The following ITPRID1 variants were observed in gnomAD, a reference collection of about 807,000 sequenced individuals.
ITPRID1 encodes protein ITPRID1.
A neutral mutation model predicts 95.4 loss-of-function variants in ITPRID1; 96 were observed. The ratio of observed to expected loss-of-function variants is 1.01; its 90% CI spans 0.85 to 1.19. ITPRID1 has a LOEUF of 1.19. ITPRID1 is among the 50% of genes most tolerant of loss of function. ITPRID1 has a pLI of 0.00. For missense variants in ITPRID1, 1,339 were observed against 1,252.9 expected (o/e 1.07, Z -1.04); for synonymous variants, 510 against 453.6 (o/e 1.12, Z -1.58).
intron 10 of ITPRID1, among the ~76,000 whole-genome samples, chr7:31,597,113 ACT>A (rs1786122106): frequency 6.6e-6 from 1 of 152,068 alleles, no homozygotes; most frequent in Admixed American, 6.5e-5. Flanking sequence ...ACAAACAAAA[ACT>A]CTCTGCAAGT....
intron 10 of ITPRID1, among the ~76,000 whole-genome samples, chr7:31,600,542 A>G (rs1339757463): frequency 1.3e-5 from 2 of 152,208 alleles, no homozygotes; most frequent in Admixed American, 6.5e-5. Flanking sequence ...GCTCCTACAG[A>G]AAAAGGTTAA....
At chr7:31,619,912 C>T (rs934096430) in intron 10 of ITPRID1, among the ~76,000 whole-genome samples, 80 of 152,170 alleles carry the variant, frequency 5.3e-4, no homozygotes, top group Non-Finnish European at 8.8e-4. Flanking sequence ...CCAAATACTG[C>T]GCTTTTCCGA....
chr7:31,562,449 A>G (rs1328331315), intron 5 of ITPRID1, among the ~76,000 whole-genome samples: 1 of 152,234 alleles, frequency 6.6e-6, no homozygotes, highest in African/African-American at 2.4e-5. Context: ...GAGGTCTCAG[A>G]AGAATAAACT....
In ITPRID1 at chr7:31,574,542, T is replaced by A. The variant is rs757724002; in HGVS notation, c.398T>A (p.Ile133Asn). 6.2e-7 allele frequency: 1 copy of A among 1,613,012 alleles called. No individual in the cohort carries two copies. Among genetic ancestry groups the A allele is most frequent in the South Asian group, 1.1e-5 (1 of 91,078 alleles). Residue 133 changes from isoleucine (I) to asparagine (N), a missense_variant and splice_region_variant, in exon 8 of 15, where the codon ATT becomes AAT. Transcript: ENST00000615280. ...GATATTCATATTTTTTACCACAGCA[T>A]TCCTGAATGGCTGGAATTTTGGGAG... The part of the protein sequence containing the change: ...CYSTASVPQS[I>N]PEWLEFWEID...
chr7:31,516,441 ACTGT>A (rs1334222832), intron 1 of ITPRID1, among the ~76,000 whole-genome samples: 4 of 152,202 alleles, frequency 2.6e-5, no homozygotes, highest in Admixed American at 2.6e-4. Flanking sequence ...TATGACTCTT[ACTGT>A]CTAATTTAAA....
chr7:31,636,038 AG>A (rs754656733), intron 10 of ITPRID1, among the ~76,000 whole-genome samples: 1 of 152,192 alleles, frequency 6.6e-6, no homozygotes, highest in Non-Finnish European at 1.5e-5. Context: ...ACTTTTTCAC[AG>A]GGCAGCAGGA....
chr7:31,554,226 C>T (rs1460493476), intron 3 of ITPRID1, among the ~76,000 whole-genome samples: 9 of 152,222 alleles, frequency 5.9e-5, no homozygotes, highest in East Asian at 1.9e-4. Flanking sequence ...TATTTTTCTT[C>T]TCTCTCACAT....
At chr7:31,589,405 G>A (rs917907035) in intron 10 of ITPRID1, among the ~76,000 whole-genome samples, 3 of 152,150 alleles carry the variant, frequency 2.0e-5, no homozygotes, top group East Asian at 1.9e-4. Flanking sequence ...AAAACTGTGC[G>A]AGAAAAAAAT....
chr7:31,524,460 C>T (rs1783362767), intron 1 of ITPRID1, among the ~76,000 whole-genome samples: 1 of 152,190 alleles, frequency 6.6e-6, no homozygotes, highest in African/African-American at 2.4e-5. Flanking sequence ...CATTTTGAGT[C>T]ATGATTAGTG....
At chr7:31,597,086 A>AAAAAC (rs1318489514) in intron 10 of ITPRID1, among the ~76,000 whole-genome samples, 1 of 152,016 alleles carries the variant, frequency 6.6e-6, no homozygotes, top group African/African-American at 2.4e-5. Flanking sequence ...TTCATAATTT[A>AAAAAC]AAAACAAAAC....
intron 10 of ITPRID1, among the ~76,000 whole-genome samples, chr7:31,634,303 TTAA>T (rs755685416): frequency 5.3e-5 from 8 of 152,218 alleles, no homozygotes; most frequent in African/African-American, 7.2e-5. Flanking sequence ...ATGATTATTA[TTAA>T]TGATACGAAG....
intron 12 of ITPRID1, among the ~76,000 whole-genome samples, chr7:31,646,813 G>A (rs778543616): frequency 1.3e-5 from 2 of 152,274 alleles, no homozygotes; most frequent in East Asian, 1.9e-4. Context: ...GCCACCATCC[G>A]AAAGCTTCTA....
At chr7:31,651,849 A>C in intron 13 of ITPRID1, 90 bp from the exon 14 acceptor site, 1 of 842,568 alleles carries the variant, frequency 1.2e-6, no homozygotes, top group Non-Finnish European at 1.9e-6. Flanking sequence ...AAGAAATTGC[A>C]AAGGAAGAAC....
At chr7:31,639,091 C>T (rs931413342) in intron 10 of ITPRID1, among the ~76,000 whole-genome samples, 1 of 152,072 alleles carries the variant, frequency 6.6e-6, no homozygotes, top group Non-Finnish European at 1.5e-5. Flanking sequence ...ATTTGATTTT[C>T]ATGTGCCTTG....
chr7:31,642,951 C>T lies in ITPRID1; in HGVS notation c.1581C>T (p.Thr527=). Residue 527 remains threonine (T), a synonymous_variant, in exon 12 of 15, where the codon ACC becomes ACT. Coordinates refer to ENST00000615280, the MANE Select transcript of ITPRID1 (RefSeq NM_001257967.3). ...LYIPDMACAK[T]TTRGECPRKD... ...TCCCAGACATGGCCTGTGCCAAGAC[C>T]ACCACGAGGGGAGAATGCCCAAGGA... The T allele has an allele frequency of 6.2e-7, 1 of 1,614,050 alleles. No individual in the cohort carries two copies. Among genetic ancestry groups the T allele is most frequent in the East Asian group, 2.2e-5 (1 of 44,876 alleles).
At chr7:31,621,994 A>G (rs1787953661) in intron 10 of ITPRID1, among the ~76,000 whole-genome samples, 1 of 144,462 alleles carries the variant, frequency 6.9e-6, no homozygotes, top group East Asian at 2.0e-4. Context: ...AACAAAGATC[A>G]AAAGAGACAA....
At chr7:31,565,379 G>C (rs1423046183) in intron 5 of ITPRID1, among the ~76,000 whole-genome samples, 3 of 152,194 alleles carry the variant, frequency 2.0e-5, no homozygotes, top group East Asian at 1.9e-4. Flanking sequence ...AGCAGAGAAG[G>C]CTGTATGTCT....
At chr7:31,554,271 C>A in intron 3 of ITPRID1, 1 of 830,264 alleles carries the variant, frequency 1.2e-6, no homozygotes, top group Non-Finnish European at 1.7e-6. Context: ...AGTCTTTTGA[C>A]AAGTTTACAC....
At chr7:31,600,793 CAA>C (rs1786361911) in intron 10 of ITPRID1, among the ~76,000 whole-genome samples, 1 of 152,112 alleles carries the variant, frequency 6.6e-6, no homozygotes, top group Non-Finnish European at 1.5e-5. Flanking sequence ...TTTTGTCTCT[CAA>C]CATGCATGCC....
Sources: gnomAD v4.1 joint callset for allele counts (sites outside exome capture counted in the v4.1 genomes callset) on GRCh38, gnomAD v4.1.1 for gene constraint, MANE v1.5 for transcripts, NCBI Gene and HGNC (gene_info 2026-07-23, HGNC 2026-07-21) for gene names.